DNAH11: variants seen among roughly 807,000 people sequenced by gnomAD.
The protein encoded by DNAH11 is dynein axonemal heavy chain 11.
A neutral mutation model predicts 526.0 loss-of-function variants in DNAH11; 442 were observed. The observed-to-expected ratio is 0.84, with a 90% confidence interval of 0.78 to 0.91. The LOEUF (loss-of-function observed/expected upper bound fraction) is 0.91. DNAH11 is among the 40% of genes least tolerant of loss of function. DNAH11 has a pLI of 0.00. For synonymous variants in DNAH11, 2,461 were observed against 1,935.9 expected (o/e 1.27, Z -7.12); for missense variants, 6,989 against 5,448.7 (o/e 1.28, Z -8.90).
chr7:21,667,747 T>G (rs62447815), intron 30 of DNAH11, among the ~76,000 whole-genome samples: 8,477 of 152,246 alleles, frequency 0.056, 258 homozygotes, highest in Middle Eastern at 0.061. Context: ...ACATAATCCC[T>G]GTAAGAGATT....
intron 15 of DNAH11, 133 bp from the exon 16 acceptor site, chr7:21,600,543 G>A (rs1785039643): frequency 1.8e-6 from 2 of 1,110,532 alleles, no homozygotes; most frequent in South Asian, 4.4e-5. Context: ...AGAGAAGTTG[G>A]AAAAAGCAAC....
At position 21,891,385 on chromosome 7, in the gene DNAH11, C is replaced by T. The variant is rs1003454266; in HGVS notation, c.12508-1040C>T. Among the ~76,000 whole-genome samples, 25 of 152,054 alleles carry T rather than the reference C, an allele frequency of 1.6e-4. 1 individual carries two copies. The highest frequency in any genetic ancestry group is 5.9e-5 in the Non-Finnish European group (4 of 68,028). On this transcript the variant is annotated intron_variant, in intron 76 of 81. Coordinates refer to ENST00000409508, the MANE Select transcript of DNAH11 (RefSeq NM_001277115.2). ...TAAGTGCACATACAGACAGGATTTACGGTGCAAGAGACTGGGAGAATTAAA... is the reference window on the plus strand; with the variant it reads ...TAAGTGCACATACAGACAGGATTTATGGTGCAAGAGACTGGGAGAATTAAA...
At chr7:21,776,321 G>A (rs1431608422) in intron 56 of DNAH11, among the ~76,000 whole-genome samples, 1 of 152,220 alleles carries the variant, frequency 6.6e-6, no homozygotes, top group Non-Finnish European at 1.5e-5. Flanking sequence ...TATCAAAAAA[G>A]TGGTTGGAAT....
At chr7:21,600,650 A>G in intron 15 of DNAH11, 26 bp from the exon 16 acceptor site, 2 of 1,564,882 alleles carry the variant, frequency 1.3e-6, no homozygotes, top group African/African-American at 1.4e-5. Context: ...TTTGAATAGT[A>G]AGTGCTGTGT....
At position 21,748,620 on chromosome 7, in the gene DNAH11, G is replaced by C. The variant is rs1182105537; in HGVS notation, c.8551G>C (p.Ala2851Pro). ...SRILRTPQGC[A>P]LLVGVGGSGK... ...GATCTTACGAACCCCTCAGGGCTGT[G>C]CTCTCTTGGTTGGAGTTGGGGGCAG... Residue 2851 changes from alanine to proline, a missense_variant, in exon 52 of 82, where the codon GCT becomes CCT. Ala to Pro is a conservative substitution (Grantham distance 27). Coordinates refer to ENST00000409508, the MANE Select transcript of DNAH11 (RefSeq NM_001277115.2). The C allele has an allele frequency of 1.2e-6, 2 of 1,610,944 alleles. No homozygotes were observed. Among genetic ancestry groups the C allele is most frequent in the Non-Finnish European group, 1.7e-6 (2 of 1,178,264 alleles).
At chr7:21,832,278 G>A (rs1384171897) in intron 65 of DNAH11, among the ~76,000 whole-genome samples, 1 of 152,226 alleles carries the variant, frequency 6.6e-6, no homozygotes, top group Admixed American at 6.5e-5. Context: ...TATGTCGACG[G>A]TCTTTACAAT....
At chr7:21,628,128 T>C (rs534782831) in intron 25 of DNAH11, among the ~76,000 whole-genome samples, 9 of 152,298 alleles carry the variant, frequency 5.9e-5, no homozygotes, top group African/African-American at 1.9e-4. Context: ...GTTTTTTGTA[T>C]GTCTACTTTG....
chr7:21,769,583 C>T (rs1241144516), intron 55 of DNAH11, among the ~76,000 whole-genome samples: 2 of 151,918 alleles, frequency 1.3e-5, no homozygotes, highest in Non-Finnish European at 2.9e-5. Context: ...CTCTCGGGTT[C>T]AAGTGATTCT....
chr7:21,602,556 ATTGTGT>A (rs1785133676), intron 18 of DNAH11, among the ~76,000 whole-genome samples: 1 of 103,494 alleles, frequency 9.7e-6, no homozygotes, highest in Non-Finnish European at 2.0e-5. Context: ...TATTTTATAG[ATTGTGT>A]GTGTGTGTGT....
chr7:21,550,635 A>G (rs1782988379), intron 2 of DNAH11, among the ~76,000 whole-genome samples: 1 of 152,114 alleles, frequency 6.6e-6, no homozygotes, highest in Admixed American at 6.6e-5. Flanking sequence ...AGGAAGGGGG[A>G]TGCCAAGGGG....
chr7:21,743,672 G>A (rs892277098), intron 49 of DNAH11, among the ~76,000 whole-genome samples: 5 of 152,158 alleles, frequency 3.3e-5, no homozygotes, highest in Non-Finnish European at 7.3e-5. Flanking sequence ...TCTAGCTCCT[G>A]CCAGAAAGAT....
At chr7:21,560,731 A>C (rs1783420651) in intron 4 of DNAH11, among the ~76,000 whole-genome samples, 1 of 152,108 alleles carries the variant, frequency 6.6e-6, no homozygotes, top group Non-Finnish European at 1.5e-5. Context: ...CTCCCAGTCC[A>C]TTGACTCAAA....
intron 68 of DNAH11, 105 bp downstream of exon 68, chr7:21,854,560 C>G: frequency 8.4e-7 from 1 of 1,190,912 alleles, no homozygotes; most frequent in Non-Finnish European, 1.1e-6. Flanking sequence ...ACTATTATTA[C>G]TATTATTGAG....
chr7:21,705,279 A>G (rs1192506429), intron 38 of DNAH11, among the ~76,000 whole-genome samples, 181 bp from the exon 39 acceptor site: 2 of 152,200 alleles, frequency 1.3e-5, no homozygotes, highest in African/African-American at 4.8e-5. Context: ...TGTGGTCTAC[A>G]TGGGAGATCC....
chr7:21,623,043 G>A (rs1003061089), intron 25 of DNAH11, among the ~76,000 whole-genome samples: 18 of 151,916 alleles, frequency 1.2e-4, no homozygotes, highest in Non-Finnish European at 2.2e-4. Context: ...CCTACAAAAT[G>A]GGAGAAAATT....
Position 21,842,760 on chromosome 7 carries a change from T to C in DNAH11, c.10896+12T>C. ...TGGAGAAACTTAAGGTAAAAATGTTTACGTCACCACCAACACTTAGTCGGC... is the reference window on the plus strand; with the variant it reads ...TGGAGAAACTTAAGGTAAAAATGTTCACGTCACCACCAACACTTAGTCGGC... On this transcript the variant is annotated intron_variant, in intron 66 of 81. Transcript: ENST00000409508. 2 of 1,593,040 alleles carry C rather than the reference T, an allele frequency of 1.3e-6. No individual in the cohort carries two copies. The highest frequency in any genetic ancestry group is 1.7e-6 in the Non-Finnish European group (2 of 1,168,804).
intron 63 of DNAH11, among the ~76,000 whole-genome samples, chr7:21,815,720 G>T (rs1295791025): frequency 6.6e-6 from 1 of 152,152 alleles, no homozygotes; most frequent in Non-Finnish European, 1.5e-5. Flanking sequence ...TAAATGTTTG[G>T]TGATTGATGA....
At position 21,787,559 on chromosome 7, in the gene DNAH11, C is replaced by A. The variant is rs1445314227; in HGVS notation, c.9900C>A (p.Val3300=). 2 of 1,610,842 alleles carry A rather than the reference C, an allele frequency of 1.2e-6. No individual in the cohort carries two copies. Among genetic ancestry groups the A allele is most frequent in the East Asian group, 4.5e-5 (2 of 44,810 alleles). Residue 3300 remains valine (V), a synonymous_variant, in exon 60 of 82, where the codon GTC becomes GTA. Transcript: ENST00000409508. ...CAGCAGCTGGCCTGTGTGCCTGGGT[C>A]ATCAACATCATTAAATTCTATGAGG... ...SFAAAGLCAW[V]INIIKFYEVY...
intron 8 of DNAH11, among the ~76,000 whole-genome samples, chr7:21,576,842 T>G (rs1225236056): frequency 6.6e-6 from 1 of 152,178 alleles, no homozygotes; most frequent in Admixed American, 6.5e-5. Flanking sequence ...ATGGGAAAGA[T>G]TGAAACTTAC....
Sources: allele counts gnomAD v4.1 joint callset (sites outside exome capture counted in the v4.1 genomes callset), GRCh38; gene constraint gnomAD v4.1.1; transcripts MANE v1.5; gene names NCBI Gene and HGNC (gene_info 2026-07-23, HGNC 2026-07-21).